The following COL13A1 variants were observed in gnomAD, a reference collection of about 807,000 sequenced individuals.
The protein encoded by COL13A1 is collagen type XIII alpha 1 chain.
Under a neutral mutation model 130.9 loss-of-function variants are expected in COL13A1, and 89 were observed. The observed-to-expected ratio is 0.68, with a 90% CI of 0.57 to 0.81. The LOEUF (loss-of-function observed/expected upper bound fraction) is 0.81. Among genes scored for constraint, COL13A1 ranks in the 30% least tolerant of loss-of-function variants. COL13A1 has a pLI of 0.00. For missense variants in COL13A1, 879 were observed against 934.6 expected (o/e 0.94, Z 0.78); for synonymous variants, 402 against 341.6 (o/e 1.18, Z -1.95).
chr10:69,854,010 T>A (rs1003329683), intron 2 of COL13A1, among the ~76,000 whole-genome samples: 3 of 152,302 alleles, frequency 2.0e-5, no homozygotes, highest in South Asian at 2.1e-4. Context: ...CTAAAAAAAA[T>A]TTTAAAGCAA....
intron 30 of COL13A1, among the ~76,000 whole-genome samples, chr10:69,931,438 G>A (rs1031240723): frequency 3.3e-5 from 5 of 152,174 alleles, no homozygotes; most frequent in Non-Finnish European, 2.9e-5. Flanking sequence ...CTTCATTTGA[G>A]TGTAAACAGG....
chr10:69,835,115 G>A (rs1439889659), intron 2 of COL13A1, among the ~76,000 whole-genome samples: 2 of 152,188 alleles, frequency 1.3e-5, no homozygotes, highest in Non-Finnish European at 2.9e-5. Flanking sequence ...CCTGCCCGCA[G>A]CACACATGGG....
rs1286315254 is a variant in COL13A1 at position 69,958,799 on chromosome 10, T to C, written c.*98T>C. On this transcript the variant is annotated 3_prime_UTR_variant, in exon 41 of 41. Transcript: ENST00000645393. ...TTGAAAATGCCAGAAGTATGATGCA[T>C]CTTACAGATTATTAAAAAAGAAAGA... The C allele has an allele frequency of 2.4e-5, 35 of 1,481,266 alleles. No individual in the cohort carries two copies. The highest frequency in any genetic ancestry group is 3.2e-5 in the Non-Finnish European group (35 of 1,088,020). The allele number at this position is 1,481,266 out of a possible 1,614,324, so 91.8% of individuals were successfully genotyped here. A position where few individuals can be genotyped will look rare whatever the true frequency, so the allele number is the denominator to read the frequency against.
intron 2 of COL13A1, among the ~76,000 whole-genome samples, chr10:69,864,401 C>T (rs965170156): frequency 1.3e-5 from 2 of 152,178 alleles, no homozygotes; most frequent in African/African-American, 4.8e-5. Flanking sequence ...TTTTAGTTCT[C>T]ATCACTGGAA....
chr10:69,914,723 G>T (rs1056126261), intron 17 of COL13A1, among the ~76,000 whole-genome samples: 1 of 152,206 alleles, frequency 6.6e-6, no homozygotes, highest in African/African-American at 2.4e-5. Flanking sequence ...TGCTAGCAGG[G>T]GACCCTCCAA....
chr10:69,922,272 G>T (rs2064788086), intron 22 of COL13A1, among the ~76,000 whole-genome samples: 1 of 152,016 alleles, frequency 6.6e-6, no homozygotes, highest in Admixed American at 6.5e-5. Flanking sequence ...AATAAGGGGA[G>T]ACATGCATAA....
chr10:69,848,787 C>G (rs1397179035), intron 2 of COL13A1, among the ~76,000 whole-genome samples: 1 of 152,216 alleles, frequency 6.6e-6, no homozygotes, highest in Non-Finnish European at 1.5e-5. Flanking sequence ...GAAGAGCCAG[C>G]TGGTGCCAAG....
At chr10:69,953,040 G>A in intron 39 of COL13A1, 72 bp downstream of exon 39, 6 of 1,152,106 alleles carry the variant, frequency 5.2e-6, no homozygotes, top group Non-Finnish European at 7.2e-6. Context: ...AACAAAGAAG[G>A]CAAATAAACT....
In COL13A1 at chr10:69,887,458, T is replaced by C. The variant is rs200695932; in HGVS notation, c.516T>C (p.Gly172=). Residue 172 remains glycine (G), a splice_region_variant and synonymous_variant, in exon 8 of 41, where the codon GGT becomes GGC. Transcript: ENST00000645393. ...GTCTCTTGTTTTTTTTTTTTCAGGG[T>C]CAACCAGGAACTAGAGGTTTCCCTG... The part of the protein sequence containing the change: ...LSIIGPRGPP[G]QPGTRGFPGF... The C allele has an allele frequency of 1.8e-5, 29 of 1,610,878 alleles. No homozygotes were observed. In the African/African-American group the frequency reaches 3.8e-4, roughly 21 times the overall value.
At chr10:69,955,639 A>T (rs1277465363) in intron 39 of COL13A1, 1 of 152,280 alleles carries the variant, frequency 6.6e-6, no homozygotes, top group Non-Finnish European at 1.5e-5. Flanking sequence ...GCACCGTGGC[A>T]GGCTGGGGAA....
intron 2 of COL13A1, among the ~76,000 whole-genome samples, chr10:69,857,124 T>C (rs1397991055): frequency 2.0e-5 from 3 of 152,136 alleles, no homozygotes; most frequent in African/African-American, 7.2e-5. Flanking sequence ...ATCTGTAAAA[T>C]TGGGACTCCA....
rs575932596 is a variant in COL13A1, at chr10:69,941,771, G to A, written c.1914+748G>A. On this transcript the variant is annotated intron_variant, in intron 35 of 40. Coordinates refer to ENST00000645393, the MANE Select transcript of COL13A1 (RefSeq NM_001368882.1). ...CTTATGACTAACAACTGAAGGATCA[G>A]AGGAAAATTCCCTCCTGTCCACCTC... Among the ~76,000 whole-genome samples the A allele has an allele frequency of 1.1e-4, 17 of 152,336 alleles. No homozygotes were observed. In the South Asian group the frequency reaches 3.3e-3, roughly 30 times the overall value.
intron 40 of COL13A1, 68 bp downstream of exon 40, chr10:69,957,110 C>T (rs2070883645): frequency 7.3e-7 from 1 of 1,371,994 alleles, no homozygotes; most frequent in East Asian, 2.3e-5. Flanking sequence ...CCACAATTTC[C>T]ATTCTGCCTT....
chr10:69,889,488 C>T (rs1473134932), intron 10 of COL13A1, 48 bp downstream of exon 10: 1 of 1,600,236 alleles, frequency 6.2e-7, no homozygotes, highest in East Asian at 2.3e-5. Flanking sequence ...GGGGTTGGCC[C>T]AGCCTCACAG....
At chr10:69,874,204 A>G (rs1443565156) in intron 4 of COL13A1, among the ~76,000 whole-genome samples, 2 of 152,220 alleles carry the variant, frequency 1.3e-5, no homozygotes, top group Non-Finnish European at 1.5e-5. Flanking sequence ...TGTGCCCCAC[A>G]TACATGGTGG....
intron 34 of COL13A1, 117 bp downstream of exon 34, chr10:69,937,832 T>C (rs2067139479): frequency 1.6e-6 from 1 of 617,944 alleles, no homozygotes; most frequent in Admixed American, 2.9e-5. Context: ...CAGAGTTCCA[T>C]GTGGTTTGTC....
At chr10:69,933,514 C>T (rs946073008) in intron 31 of COL13A1, among the ~76,000 whole-genome samples, 6 of 152,150 alleles carry the variant, frequency 3.9e-5, no homozygotes, top group South Asian at 2.1e-4. Flanking sequence ...TGTTTGGTGG[C>T]GGGGTCTGGG....
intron 23 of COL13A1, 93 bp from the exon 24 acceptor site, chr10:69,923,709 A>G (rs2064979843): frequency 6.7e-7 from 1 of 1,497,948 alleles, no homozygotes; most frequent in Non-Finnish European, 9.1e-7. Flanking sequence ...CCAAGGCAAC[A>G]TCTAGGCATG....
intron 2 of COL13A1, among the ~76,000 whole-genome samples, chr10:69,844,734 T>C (rs1344758372): frequency 6.6e-6 from 1 of 152,254 alleles, no homozygotes; most frequent in Admixed American, 6.5e-5. Flanking sequence ...TAAAATCATG[T>C]TGGCCCGTCA....
Sources: gnomAD v4.1 joint callset for allele counts (sites outside exome capture counted in the v4.1 genomes callset) on GRCh38, gnomAD v4.1.1 for gene constraint, MANE v1.5 for transcripts, NCBI Gene and HGNC (gene_info 2026-07-23, HGNC 2026-07-21) for gene names.